FKBP10: variants seen among roughly 807,000 people sequenced by gnomAD.
The protein encoded by FKBP10 is peptidyl-prolyl cis-trans isomerase FKBP10.
In FKBP10, 34 loss-of-function variants were observed where a neutral mutation model predicts 53.7. That is an observed-to-expected ratio of 0.63 (90% CI 0.48 to 0.84). FKBP10 has a LOEUF of 0.84. Ranked by LOEUF, FKBP10 falls within the 40% of genes least tolerant of loss-of-function variation. The pLI is 0.00. For synonymous variants in FKBP10, 324 were observed against 335.7 expected (o/e 0.97, Z 0.38); for missense variants, 748 against 797.8 (o/e 0.94, Z 0.75).
intron 4 of FKBP10, chr17:41,818,828 G>A (rs990325851): frequency 1.6e-5 from 7 of 428,764 alleles, no homozygotes; most frequent in African/African-American, 4.1e-5. Context: ...TGGTGGGGGC[G>A]CCTGTAGTCC....
intron 9 of FKBP10, 81 bp downstream of exon 9, chr17:41,821,898 T>C: frequency 6.4e-7 from 1 of 1,568,868 alleles, no homozygotes; most frequent in Non-Finnish European, 8.7e-7. Context: ...ACGTCCCCCG[T>C]CCGGACTGCC....
chr17:41,818,970 AAAAAG>A (rs2047852502), intron 4 of FKBP10: 2 of 520,856 alleles, frequency 3.8e-6, no homozygotes, highest in Admixed American at 3.4e-5. Flanking sequence ...AAAAAAAAAA[AAAAAG>A]AAGGGGTGCT....
rs781818527 is a variant in FKBP10 at position 41,820,476 on chromosome 17, G to A, written c.1256+15G>A. On this transcript the variant is annotated intron_variant, in intron 7 of 9. Coordinates refer to ENST00000321562, the MANE Select transcript of FKBP10 (RefSeq NM_021939.4). Reference sequence around the variant, plus strand: ...CTGTTCACCTCGTGGGTCCGGGGGGGGGCCGGGACTGGGCAGGTGGGTGGG... The same window carrying A: ...CTGTTCACCTCGTGGGTCCGGGGGGAGGCCGGGACTGGGCAGGTGGGTGGG... 3 of 1,613,336 alleles carry A rather than the reference G, an allele frequency of 1.9e-6. No homozygotes were observed. Among genetic ancestry groups the A allele is most frequent in the Admixed American group, 1.7e-5 (1 of 60,022 alleles).
intron 7 of FKBP10, chr17:41,820,685 A>G (rs2047879761): frequency 3.0e-6 from 2 of 664,874 alleles, no homozygotes; most frequent in Admixed American, 5.8e-5. Flanking sequence ...GTTGGGGGAG[A>G]ACTGCTCTTT....
chr17:41,821,632 T>A, intron 8 of FKBP10, 22 bp from the exon 9 acceptor site: 1 of 1,613,112 alleles, frequency 6.2e-7, no homozygotes, highest in Admixed American at 1.7e-5. Context: ...GACCCCTCCC[T>A]TCTCTCCTGC....
chr17:41,822,912 C>T lies in FKBP10; in HGVS notation c.*504C>T, dbSNP rs1383008516. On this transcript the variant is annotated 3_prime_UTR_variant, in exon 10 of 10. Coordinates refer to ENST00000321562, the MANE Select transcript of FKBP10 (RefSeq NM_021939.4). ...CTCCTGGAGGGCAGCCCTACCTCTCCCATGCCCTTTGCCCTCCTCCCTCGC... is the reference window on the plus strand; with the variant it reads ...CTCCTGGAGGGCAGCCCTACCTCTCTCATGCCCTTTGCCCTCCTCCCTCGC... The T allele has an allele frequency of 1.8e-5, 4 of 221,510 alleles. No homozygotes were observed. The highest frequency in any genetic ancestry group is 1.0e-4 in the Admixed American group (2 of 19,194). The allele number at this position is 221,510 out of a possible 1,614,324, so 13.7% of individuals were successfully genotyped here. A position where few individuals can be genotyped will look rare whatever the true frequency, so the allele number is the denominator to read the frequency against.
Position 41,822,601 on chromosome 17 carries a change from C to T in FKBP10, c.*193C>T, listed in dbSNP as rs372324254. ...GAAAATCCACAGCACAGACCTCTAC[C>T]GTGTTTCTCTTCCATCCCTAAACCA... is the stretch of plus-strand genomic sequence containing the variant. On this transcript the variant is annotated 3_prime_UTR_variant, in exon 10 of 10. Coordinates refer to ENST00000321562, the MANE Select transcript of FKBP10 (RefSeq NM_021939.4). 3 of 658,446 alleles carry T rather than the reference C, an allele frequency of 4.6e-6. No individual in the cohort carries two copies. Among genetic ancestry groups the T allele is most frequent in the African/African-American group, 1.8e-5 (1 of 55,388 alleles). 40.8% of individuals were successfully genotyped at this position (658,446 alleles called of 1,614,324 possible). A position where few individuals can be genotyped will look rare whatever the true frequency, so the allele number is the denominator to read the frequency against.
rs782448297 is a variant in FKBP10 at position 41,819,408 on chromosome 17, G to A, written c.917+9G>A. 87 of 1,613,950 alleles carry A rather than the reference G, an allele frequency of 5.4e-5. No homozygotes were observed. In the East Asian group the frequency reaches 1.2e-3, roughly 23 times the overall value. The stretch of plus-strand genomic sequence containing the variant: ...ACCCTCTTCGATTCCAGGTCAGGAG[G>A]GTCTTGAGGTGGGAGGGCGGGGGCT... On this transcript the variant is annotated intron_variant, in intron 5 of 9. Transcript: ENST00000321562.
intron 9 of FKBP10, 134 bp from the exon 10 acceptor site, chr17:41,822,089 C>G: frequency 1.0e-6 from 1 of 967,632 alleles, no homozygotes; most frequent in Non-Finnish European, 1.6e-6. Context: ...CCAGCCCTTC[C>G]TGAGTTACAG....
At chr17:41,816,524 A>G (rs2047818098) in intron 1 of FKBP10, among the ~76,000 whole-genome samples, 1 of 152,086 alleles carries the variant, frequency 6.6e-6, no homozygotes, top group African/African-American at 2.4e-5. Flanking sequence ...GAGAGCCAAT[A>G]GTATAATGGC....
At chr17:41,815,524 A>G (rs577121591) in intron 1 of FKBP10, among the ~76,000 whole-genome samples, 1 of 149,750 alleles carries the variant, frequency 6.7e-6, no homozygotes, top group East Asian at 2.0e-4. Flanking sequence ...GGAGTGCAGT[A>G]GCGCGATCTC....
Position 41,819,681 on chromosome 17 carries a change from G to T in FKBP10, c.1063+6G>T. The T allele has an allele frequency of 6.3e-7, 1 of 1,594,822 alleles. No homozygotes were observed. The highest frequency in any genetic ancestry group is 8.5e-7 in the Non-Finnish European group (1 of 1,171,082). On this transcript the variant is annotated splice_donor_region_variant and intron_variant, in intron 6 of 9. Coordinates refer to ENST00000321562, the MANE Select transcript of FKBP10 (RefSeq NM_021939.4). ...CTATGGGGAGAATGGAACTGGTAGG[G>T]GCGTTCCCCAGCCACCACCTCAGCT...
At chr17:41,819,109 G>C (rs2047854118) in intron 4 of FKBP10, 101 bp from the exon 5 acceptor site, 1 of 1,195,924 alleles carries the variant, frequency 8.4e-7, no homozygotes. Context: ...TCTGGAGAGT[G>C]GGGCTAGTGT....
At chr17:41,813,377 C>G (rs1203567556) in intron 1 of FKBP10, 98 bp downstream of exon 1, 2 of 1,534,454 alleles carry the variant, frequency 1.3e-6, no homozygotes, top group Admixed American at 1.7e-5. Flanking sequence ...TCCCAATACT[C>G]TAACCCTAGA....
At chr17:41,820,569 C>G (rs2047878913) in intron 7 of FKBP10, 108 bp downstream of exon 7, 13 of 1,163,218 alleles carry the variant, frequency 1.1e-5, no homozygotes, top group Non-Finnish European at 1.5e-5. Flanking sequence ...CCTCGAGCGC[C>G]AGGGGAGCAT....
In FKBP10 at chr17:41,813,080, C is replaced by G. The variant is rs1192163583; in HGVS notation, c.46C>G (p.Leu16Val). Residue 16 changes from leucine to valine, a missense_variant, in exon 1 of 10, where the codon CTG (leucine) becomes GTG (valine). Transcript: ENST00000321562. ...CAGCCACAGCCTCCTCCGGCTCCCC[C>G]TGCTGCAGTTGCTGCTACTGGTGGT... ...PPSHSLLRLP[L>V]LQLLLLVVQA... 7 of 1,610,854 alleles carry G rather than the reference C, an allele frequency of 4.3e-6. No homozygotes were observed. Among genetic ancestry groups the G allele is most frequent in the South Asian group, 1.1e-5 (1 of 91,014 alleles).
Position 41,820,442 on chromosome 17 carries a change from G to A in FKBP10, c.1237G>A (p.Gly413Ser), listed in dbSNP as rs139413427. Residue 413 changes from glycine to serine, a missense_variant, in exon 7 of 10, where the codon GGC (glycine) becomes AGC (serine). Gly to Ser is a moderately conservative substitution (Grantham distance 56). Transcript: ENST00000321562. ...RYHYNCSLLD[G>S]TQLFTSHDYG... ...CCATTACAACTGTTCTTTGCTGGACGGCACCCAGCTGTTCACCTCGTGGGT... is the reference window on the plus strand; with the variant it reads ...CCATTACAACTGTTCTTTGCTGGACAGCACCCAGCTGTTCACCTCGTGGGT... The A allele has an allele frequency of 5.0e-6, 8 of 1,614,006 alleles. No individual in the cohort carries two copies. The highest frequency in any genetic ancestry group is 1.3e-5 in the African/African-American group (1 of 75,050).
chr17:41,820,818 C>A, intron 7 of FKBP10, 129 bp from the exon 8 acceptor site: 1 of 1,316,148 alleles, frequency 7.6e-7, no homozygotes. Flanking sequence ...CACTCTGCTG[C>A]GTGGCCCAAG....
Position 41,820,396 on chromosome 17 carries a change from G to T in FKBP10, c.1191G>T (p.Lys397Asn), listed in dbSNP as rs781842398. 4 of 1,614,190 alleles carry T rather than the reference G, an allele frequency of 2.5e-6. No homozygotes were observed. Among genetic ancestry groups the T allele is most frequent in the Non-Finnish European group, 3.4e-6 (4 of 1,180,028 alleles). The change falls in exon 7 of 10, where the codon AAG (lysine) becomes AAT (asparagine). Residue 397 changes from lysine to asparagine, a missense_variant. Coordinates refer to ENST00000321562, the MANE Select transcript of FKBP10 (RefSeq NM_021939.4). ...CTGAGACCTGCAATGAGACCACCAA[G>T]CTTGGGGACTTTGTTCGATACCATT... is the stretch of plus-strand genomic sequence containing the variant. ...RPSETCNETT[K>N]LGDFVRYHYN...
Sources: allele counts gnomAD v4.1 joint callset (sites outside exome capture counted in the v4.1 genomes callset), GRCh38; gene constraint gnomAD v4.1.1; transcripts MANE v1.5; gene names NCBI Gene and HGNC (gene_info 2026-07-23, HGNC 2026-07-21).